ANKRD33B: variants seen among roughly 807,000 people sequenced by gnomAD.
ANKRD33B encodes the protein ankyrin repeat domain-containing protein 33B.
A neutral mutation model predicts 21.5 loss-of-function variants in ANKRD33B; 6 were observed. That is an observed-to-expected ratio of 0.28 (90% CI 0.15 to 0.55). The LOEUF (loss-of-function observed/expected upper bound fraction) is 0.55. Ranked by LOEUF, ANKRD33B falls within the 20% of genes least tolerant of loss-of-function variation. ANKRD33B has a pLI of 0.94. For missense variants in ANKRD33B, 698 were observed against 747.2 expected, an observed-to-expected ratio of 0.93 and a Z score of 0.77; for synonymous variants, 347 against 342.4, an observed-to-expected ratio of 1.01 and a Z score of -0.15.
At chr5:10,624,867 G>A (rs1471064453) in intron 2 of ANKRD33B, 4 of 453,668 alleles carry the variant, frequency 8.8e-6, no homozygotes, top group East Asian at 1.4e-4. Flanking sequence ...CCCTGCCCCT[G>A]GAGTCTTTCT....
At chr5:10,641,867 T>C (rs73040968) in intron 3 of ANKRD33B, among the ~76,000 whole-genome samples, 63,634 of 151,876 alleles carry the variant, frequency 0.42, 13,584 homozygotes, top group Middle Eastern at 0.56. Context: ...ATGATAGTTT[T>C]ATTTTAAAAA....
chr5:10,606,656 C>T (rs1736051058), intron 1 of ANKRD33B, among the ~76,000 whole-genome samples: 1 of 151,312 alleles, frequency 6.6e-6, no homozygotes, highest in East Asian at 2.0e-4. Flanking sequence ...ATCACTTGAA[C>T]CCACGAGGTG....
intron 2 of ANKRD33B, among the ~76,000 whole-genome samples, chr5:10,637,425 GACACACACACACACAC>G (rs59222148): frequency 6.0e-5 from 6 of 100,334 alleles, no homozygotes; most frequent in South Asian, 3.9e-4. Context: ...TAGGTAGTTA[GACACACACACACACAC>G]ACACACACAC....
At chr5:10,592,613 T>A (rs1401455118) in intron 1 of ANKRD33B, among the ~76,000 whole-genome samples, 18 of 139,652 alleles carry the variant, frequency 1.3e-4, no homozygotes, top group African/African-American at 4.5e-4. Flanking sequence ...GGCAACAGAG[T>A]GAGACTCTGT....
Position 10,652,727 on chromosome 5 carries a change from G to A in ANKRD33B, c.*2614G>A, listed in dbSNP as rs1488213466. On this transcript the variant is annotated 3_prime_UTR_variant, in exon 4 of 4. Transcript: ENST00000296657. This position sits in a 1 kb window ranked among gnomAD's most constrained non-coding sequence, Gnocchi z 4.1. ...TTTCCCCAGGTCCCACGCTGTTCTG[G>A]AGTGGACGTGTTGCGGCCCTGCCCC... 6 of 191,458 alleles carry A rather than the reference G, an allele frequency of 3.1e-5. No individual in the cohort carries two copies. The South Asian group carries it at 4.2e-4, about 13-fold the overall frequency. 11.9% of individuals were successfully genotyped at this position (191,458 alleles called of 1,614,324 possible).
chr5:10,618,206 A>T, intron 1 of ANKRD33B, 127 bp from the exon 2 acceptor site: 1 of 1,258,586 alleles, frequency 7.9e-7, no homozygotes, highest in Non-Finnish European at 1.1e-6. Context: ...GAGAATTGGG[A>T]CTCCAGGTCC....
intron 1 of ANKRD33B, among the ~76,000 whole-genome samples, chr5:10,599,000 C>G (rs1209202931): frequency 6.6e-6 from 1 of 152,196 alleles, no homozygotes; most frequent in Non-Finnish European, 1.5e-5. Context: ...GTGCAGTCAT[C>G]CCCCTACTCA....
At position 10,649,897 on chromosome 5, in the gene ANKRD33B, G is replaced by A; in HGVS notation, c.1269G>A (p.Val423=). ...RRRSVRPGVV[V]PRVRVSKAPA... is the part of the protein sequence containing the mutation. ...GAAGCGTGCGGCCCGGTGTGGTGGT[G>A]CCCCGGGTCCGAGTCAGCAAGGCGC... is the stretch of plus-strand genomic sequence containing the variant. The change falls in exon 4 of 4, where the codon GTG becomes GTA. Residue 423 remains valine (V), a synonymous_variant. Transcript: ENST00000296657. The A allele has an allele frequency of 6.6e-7, 1 of 1,514,226 alleles. No homozygotes were observed. Among genetic ancestry groups the A allele is most frequent in the Non-Finnish European group, 8.8e-7 (1 of 1,136,996 alleles). 93.8% of individuals were successfully genotyped at this position (1,514,226 alleles called of 1,614,324 possible).
Position 10,564,829 on chromosome 5 carries a change from G to A in ANKRD33B, c.362G>A (p.Gly121Asp). 1 of 1,500,492 alleles carries A rather than the reference G, an allele frequency of 6.7e-7. No individual in the cohort carries two copies. The highest frequency in any genetic ancestry group is 8.9e-7 in the Non-Finnish European group (1 of 1,125,362). 92.9% of individuals were successfully genotyped at this position (1,500,492 alleles called of 1,614,324 possible). A position where few individuals can be genotyped will look rare whatever the true frequency, so the allele number is the denominator to read the frequency against. ...GAGGCGCAGGAGACTGACCGCAACG[G>A]CAGGGTAAGCGGGCGTCCCCGCAGG... ...VEEAQETDRN[G>D]RTGLIVACYH... The change falls in exon 1 of 4, where the codon GGC becomes GAC. Residue 121 changes from glycine to aspartate, a missense_variant. By Grantham distance (94) the Gly-to-Asp change is moderately conservative (BLOSUM62 -1). Around this residue, in one of 3 missense-constraint regions of ANKRD33B, gnomAD observed 543 missense variants for 566.5 expected, o/e 0.96. Coordinates refer to ENST00000296657, the MANE Select transcript of ANKRD33B (RefSeq NM_001164440.2).
intron 3 of ANKRD33B, among the ~76,000 whole-genome samples, chr5:10,644,978 C>T (rs1737160654): frequency 2.0e-5 from 3 of 152,184 alleles, no homozygotes; most frequent in African/African-American, 7.2e-5. Context: ...CCCCCTGGAC[C>T]CTCCACTATG....
At chr5:10,608,087 G>T (rs190760417) in intron 1 of ANKRD33B, among the ~76,000 whole-genome samples, 1 of 151,720 alleles carries the variant, frequency 6.6e-6, no homozygotes, top group African/African-American at 2.4e-5. Context: ...GGGGGCTCAC[G>T]CCTATATTCC....
chr5:10,611,632 C>T (rs934995142), intron 1 of ANKRD33B, among the ~76,000 whole-genome samples: 1 of 152,246 alleles, frequency 6.6e-6, no homozygotes, highest in African/African-American at 2.4e-5. Flanking sequence ...AGTCCTCTCC[C>T]CTTGCCACTT....
In ANKRD33B at chr5:10,576,178, A is replaced by C. The variant is rs531288503; in HGVS notation, c.366+11345A>C. The stretch of plus-strand genomic sequence containing the variant: ...AATAAAAAGTTGAATGAGCGTGAAA[A>C]GCTGCACGCATGACCTTTTTCCTGT... On this transcript the variant is annotated intron_variant, in intron 1 of 3. Coordinates refer to ENST00000296657, the MANE Select transcript of ANKRD33B (RefSeq NM_001164440.2). The surrounding 1 kb of genome is among the most constrained non-coding windows in gnomAD (Gnocchi z 4.1). Among the ~76,000 whole-genome samples the C allele has an allele frequency of 2.0e-5, 3 of 152,192 alleles. No individual in the cohort carries two copies. The highest frequency in any genetic ancestry group is 6.5e-5 in the Admixed American group (1 of 15,280).
chr5:10,564,475 T>A lies in ANKRD33B; in HGVS notation c.8T>A (p.Leu3Gln). 2 of 1,409,726 alleles carry A rather than the reference T, an allele frequency of 1.4e-6. No individual in the cohort carries two copies. The highest frequency in any genetic ancestry group is 1.9e-6 in the Non-Finnish European group (2 of 1,073,084). 87.3% of individuals were successfully genotyped at this position (1,409,726 alleles called of 1,614,324 possible). Residue 3 changes from leucine (L) to glutamine (Q), a missense_variant, in exon 1 of 4, where the codon CTG (leucine) becomes CAG (glutamine). Around this residue, in one of 3 missense-constraint regions of ANKRD33B, gnomAD observed 148 missense variants for 154.9 expected, o/e 0.96. Transcript: ENST00000296657. ...CGCGCCCCGGCCGCCGGCATGGTGCTGCTGGCCGGGACCGGGCCGGAGGGC... is the reference window on the plus strand; with the variant it reads ...CGCGCCCCGGCCGCCGGCATGGTGCAGCTGGCCGGGACCGGGCCGGAGGGC... MV[L>Q]LAGTGPEGGG...
At chr5:10,572,798 G>T (rs1735226868) in intron 1 of ANKRD33B, among the ~76,000 whole-genome samples, 1 of 152,122 alleles carries the variant, frequency 6.6e-6, no homozygotes, top group Admixed American at 6.5e-5. Context: ...CTTCTTCCTG[G>T]GCCTCCCTGT....
At chr5:10,641,645 G>A (rs970968467) in intron 3 of ANKRD33B, among the ~76,000 whole-genome samples, 13 of 151,950 alleles carry the variant, frequency 8.6e-5, no homozygotes, top group African/African-American at 2.9e-4. Flanking sequence ...TGTTTTTCTC[G>A]AGATCAATCT....
chr5:10,637,809 C>T (rs1294795655), intron 2 of ANKRD33B, among the ~76,000 whole-genome samples: 1 of 152,104 alleles, frequency 6.6e-6, no homozygotes, highest in African/African-American at 2.4e-5. Flanking sequence ...CCTGCAAGAA[C>T]CCAAAACAGC....
chr5:10,625,672 C>T (rs1736530365), intron 2 of ANKRD33B, among the ~76,000 whole-genome samples: 1 of 152,186 alleles, frequency 6.6e-6, no homozygotes, highest in Admixed American at 6.5e-5. Context: ...AGTCCTTGAA[C>T]ATGAAGTACT....
rs989306291 is a variant in ANKRD33B, at chr5:10,651,881, TAC to T, written c.*1770_*1771del. On this transcript the variant is annotated 3_prime_UTR_variant, in exon 4 of 4. Coordinates refer to ENST00000296657, the MANE Select transcript of ANKRD33B (RefSeq NM_001164440.2). ...TAATGGGAGATTGGTGTGTTGATGATACAGTGTTTAAGATGAGATTGCAGTGA... is the reference window on the plus strand; with the variant it reads ...TAATGGGAGATTGGTGTGTTGATGATAGTGTTTAAGATGAGATTGCAGTGA... 1 of 152,416 alleles carries T rather than the reference TAC, an allele frequency of 6.6e-6. No homozygotes were observed. The highest frequency in any genetic ancestry group is 1.5e-5 in the Non-Finnish European group (1 of 68,090). The allele number at this position is 152,416 out of a possible 1,614,324, so 9.4% of individuals were successfully genotyped here. A position where few individuals can be genotyped will look rare whatever the true frequency, so the allele number is the denominator to read the frequency against.
Sources: gnomAD v4.1 joint callset for allele counts (sites outside exome capture counted in the v4.1 genomes callset) on GRCh38, gnomAD v4.1.1 for gene constraint, gnomAD v4.1.1 regional missense constraint, Gnocchi (gnomAD v3.1) non-coding constraint, MANE v1.5 for transcripts, NCBI Gene and HGNC (gene_info 2026-07-23, HGNC 2026-07-21) for gene names.